The following TTLL2 variants were observed in gnomAD, a reference collection of about 807,000 sequenced individuals.
TTLL2 encodes probable tubulin polyglutamylase TTLL2.
A neutral mutation model predicts 7.5 loss-of-function variants in TTLL2; 10 were observed. The observed-to-expected ratio is 1.33, with a 90% CI of 0.82 to 2.25. TTLL2 has a LOEUF of 2.25. Ranked by LOEUF, TTLL2 falls within the 30% of genes most tolerant of loss-of-function variation. The pLI, the probability that TTLL2 is intolerant of heterozygous loss-of-function variation, is 0.00. For synonymous variants in TTLL2, 284 were observed against 280.3 expected, an observed-to-expected ratio of 1.01 and a Z score of -0.13; for missense variants, 733 against 735.7, an observed-to-expected ratio of 1.00 and a Z score of 0.04.
chr6:167,341,481 C>G lies in TTLL2; in HGVS notation c.1581C>G (p.Leu527=), dbSNP rs373917070. 64 of 1,614,020 alleles carry G rather than the reference C, an allele frequency of 4.0e-5. No homozygotes were observed. The highest frequency in any genetic ancestry group is 5.4e-5 in the Non-Finnish European group (64 of 1,180,040). Residue 527 remains leucine (L), a synonymous_variant, in exon 3 of 3, where the codon CTC becomes CTG. Coordinates refer to ENST00000239587, the MANE Select transcript of TTLL2 (RefSeq NM_031949.5). ...PHKTLMPYAS[L]FQSHSCKTKT... ...AGACACTCATGCCCTACGCGTCCCT[C>G]TTCCAGTCGCACTCCTGCAAGACCA...
Position 167,338,822 on chromosome 6 carries a change from T to C in TTLL2, c.204+19T>C, listed in dbSNP as rs1194509699. 1.9e-6 allele frequency: 3 copies of C among 1,573,484 alleles called. No individual in the cohort carries two copies. Among genetic ancestry groups the C allele is most frequent in the South Asian group, 1.1e-5 (1 of 87,512 alleles). ...GAAGAAGGTGGGTGGGCAAGCCAGGTAGTTCCTTCCTTCCTTCCTTCCTTC... is the reference window on the plus strand; with the variant it reads ...GAAGAAGGTGGGTGGGCAAGCCAGGCAGTTCCTTCCTTCCTTCCTTCCTTC... On this transcript the variant is annotated intron_variant, in intron 2 of 2. Coordinates refer to ENST00000239587, the MANE Select transcript of TTLL2 (RefSeq NM_031949.5).
rs567579193 is a variant in TTLL2, at chr6:167,331,187, T to C, written c.47+5967T>C. ...ACTAGTGAAGTTTTGTTATGTATAA[T>C]GTATAACGATCTGATCAGAGTAATT... is the stretch of plus-strand genomic sequence containing the variant. On this transcript the variant is annotated intron_variant, in intron 1 of 2. Coordinates refer to ENST00000239587, the MANE Select transcript of TTLL2 (RefSeq NM_031949.5). 1.6e-4 allele frequency among the ~76,000 whole-genome samples: 25 copies of C among 152,350 alleles called. 1 individual carries two copies. The South Asian group carries it at 5.0e-3, about 30-fold the overall frequency.
At chr6:167,327,465 A>G (rs1169875301) in intron 1 of TTLL2, among the ~76,000 whole-genome samples, 1 of 152,216 alleles carries the variant, frequency 6.6e-6, no homozygotes, top group Non-Finnish European at 1.5e-5. Flanking sequence ...TGCCTGATGC[A>G]GTTCCCAGCT....
chr6:167,338,771 C>T lies in TTLL2; in HGVS notation c.172C>T (p.Arg58Ter), dbSNP rs547856286. 60 of 1,613,210 alleles carry T rather than the reference C, an allele frequency of 3.7e-5. No homozygotes were observed. In the African/African-American group the frequency reaches 5.6e-4, roughly 15 times the overall value. Residue 58 changes from arginine to a stop codon, truncating the protein, a stop_gained, in exon 2 of 3, where the codon CGA (arginine) becomes TGA (stop). Coordinates refer to ENST00000239587, the MANE Select transcript of TTLL2 (RefSeq NM_031949.5). LOFTEE classifies it low-confidence loss of function (END_TRUNC). The part of the protein sequence containing the change: ...QEAGVSIPPR[R>*]GRPTPTLEKK... Reference sequence around the variant, plus strand: ...AGCAGGTGTTTCCATCCCTCCCAGGCGAGGCCGCCCAACACCAACACTGGA... The same window carrying T: ...AGCAGGTGTTTCCATCCCTCCCAGGTGAGGCCGCCCAACACCAACACTGGA...
rs145125170 is a variant in TTLL2, at chr6:167,328,286, G to A, written c.47+3066G>A. The A allele has an allele frequency of 1.7e-5, 6 of 349,160 alleles. No individual in the cohort carries two copies. The East Asian group carries it at 4.4e-4, about 26-fold the overall frequency. The allele number at this position is 349,160 out of a possible 1,614,324, so 21.6% of individuals were successfully genotyped here. Reference sequence around the variant, plus strand: ...CTCAGTCTTCTGGGCAAATCAGTGGGCCCTCATCTAGAGATCGGGATTCCC... The same window carrying A: ...CTCAGTCTTCTGGGCAAATCAGTGGACCCTCATCTAGAGATCGGGATTCCC... On this transcript the variant is annotated intron_variant, in intron 1 of 2. Coordinates refer to ENST00000239587, the MANE Select transcript of TTLL2 (RefSeq NM_031949.5).
Position 167,341,337 on chromosome 6 carries a change from TC to T in TTLL2, c.1439del (p.Pro480LeufsTer13). ...SVVEKAVSVR[P>X]EAAPASQLEG... ...TGGTGGAGAAAGCTGTGAGTGTGCGTCCTGAAGCTGCACCTGCCTCCCAGCT... is the reference window on the plus strand; with the variant it reads ...TGGTGGAGAAAGCTGTGAGTGTGCGTCTGAAGCTGCACCTGCCTCCCAGCT... On this transcript the variant is annotated frameshift_variant, in exon 3 of 3. Transcript: ENST00000239587. LOFTEE classifies it low-confidence loss of function (END_TRUNC). 6.2e-7 allele frequency: 1 copy of T among 1,613,734 alleles called. No homozygotes were observed. The highest frequency in any genetic ancestry group is 8.5e-7 in the Non-Finnish European group (1 of 1,179,974).
chr6:167,339,000 C>G (rs1779033754), intron 2 of TTLL2, among the ~76,000 whole-genome samples, 197 bp downstream of exon 2: 1 of 148,464 alleles, frequency 6.7e-6, no homozygotes, highest in African/African-American at 2.5e-5. Context: ...CCTTCCTGCC[C>G]TCCCTCCTTC....
chr6:167,337,033 C>T (rs555459195), intron 1 of TTLL2, among the ~76,000 whole-genome samples: 1 of 152,320 alleles, frequency 6.6e-6, no homozygotes, highest in Admixed American at 6.5e-5. Context: ...GGACAAAGTG[C>T]TGGCTCTCCC....
chr6:167,328,829 T>C (rs1192825005), intron 1 of TTLL2, among the ~76,000 whole-genome samples: 3 of 152,178 alleles, frequency 2.0e-5, no homozygotes, highest in Admixed American at 6.5e-5. Context: ...AGCTTGGTAC[T>C]GGGTGCTTCA....
At chr6:167,328,943 G>A (rs900919205) in intron 1 of TTLL2, among the ~76,000 whole-genome samples, 1 of 152,122 alleles carries the variant, frequency 6.6e-6, no homozygotes. Context: ...ACTGGTTGGG[G>A]GAATAGCTCA....
At chr6:167,325,355 C>G (rs1243128327) in intron 1 of TTLL2, 135 bp downstream of exon 1, 10 of 803,140 alleles carry the variant, frequency 1.2e-5, no homozygotes, top group Admixed American at 6.4e-5. Context: ...CCCCGAGGGG[C>G]AATTTGTAGT....
chr6:167,337,102 CCA>C (rs1296135188), intron 1 of TTLL2, among the ~76,000 whole-genome samples: 2 of 152,020 alleles, frequency 1.3e-5, no homozygotes, highest in Admixed American at 1.3e-4. Context: ...CACATGCTTT[CCA>C]CACACAATCA....
In TTLL2 at chr6:167,340,408, T is replaced by C. The variant is rs1412436665; in HGVS notation, c.508T>C (p.Tyr170His). 3.7e-6 allele frequency: 6 copies of C among 1,614,142 alleles called. No individual in the cohort carries two copies. The highest frequency in any genetic ancestry group is 5.1e-6 in the Non-Finnish European group (6 of 1,180,026). The change falls in exon 3 of 3, where the codon TAT (tyrosine) becomes CAT (histidine). Residue 170 changes from tyrosine (Y) to histidine (H), a missense_variant. Tyr to His is a moderately conservative substitution (Grantham distance 83). Transcript: ENST00000239587. ...AKHLKHMRRMYGTSLYQFIPL... is the reference protein window; with the variant it reads ...AKHLKHMRRMHGTSLYQFIPL... ...ACACCTGAAGCACATGAGGAGGATGTATGGCACTTCCCTGTACCAGTTCAT... is the reference window on the plus strand; with the variant it reads ...ACACCTGAAGCACATGAGGAGGATGCATGGCACTTCCCTGTACCAGTTCAT...
Position 167,341,867 on chromosome 6 carries a change from A to T in TTLL2, c.*188A>T, listed in dbSNP as rs1443135784. 1 of 615,236 alleles carries T rather than the reference A, an allele frequency of 1.6e-6. No homozygotes were observed. Among genetic ancestry groups the T allele is most frequent in the Non-Finnish European group, 2.7e-6 (1 of 366,014 alleles). The allele number at this position is 615,236 out of a possible 1,614,324, so 38.1% of individuals were successfully genotyped here. On this transcript the variant is annotated 3_prime_UTR_variant, in exon 3 of 3. Transcript: ENST00000239587. ...CAAAGCACAATATGTTCAAGTGGTGATTAAACTACATTACATCCCATGTTT... is the reference window on the plus strand; with the variant it reads ...CAAAGCACAATATGTTCAAGTGGTGTTTAAACTACATTACATCCCATGTTT...
chr6:167,334,196 A>T (rs1778957495), intron 1 of TTLL2, among the ~76,000 whole-genome samples: 1 of 145,930 alleles, frequency 6.9e-6, no homozygotes, highest in South Asian at 2.2e-4. Flanking sequence ...TCATTTCGTT[A>T]TGTACCCAGT....
In TTLL2 at chr6:167,340,393, C is replaced by T. The variant is rs972995325; in HGVS notation, c.493C>T (p.His165Tyr). The T allele has an allele frequency of 1.9e-6, 3 of 1,614,088 alleles. No homozygotes were observed. The highest frequency in any genetic ancestry group is 1.7e-6 in the Non-Finnish European group (2 of 1,180,048). Reference protein sequence around the residue: ...RKDCLAKHLKHMRRMYGTSLY... With the variant: ...RKDCLAKHLKYMRRMYGTSLY... ...AGACTGTTTGGCCAAACACCTGAAGCACATGAGGAGGATGTATGGCACTTC... is the reference window on the plus strand; with the variant it reads ...AGACTGTTTGGCCAAACACCTGAAGTACATGAGGAGGATGTATGGCACTTC... Residue 165 changes from histidine (H) to tyrosine (Y), a missense_variant, in exon 3 of 3, where the codon CAC becomes TAC. Coordinates refer to ENST00000239587, the MANE Select transcript of TTLL2 (RefSeq NM_031949.5).
intron 1 of TTLL2, among the ~76,000 whole-genome samples, chr6:167,326,076 T>G (rs2115205721): frequency 6.6e-6 from 1 of 152,076 alleles, no homozygotes; most frequent in South Asian, 2.1e-4. Context: ...CAAAGTCAGC[T>G]CTCCCAACTT....
At chr6:167,327,237 T>A (rs1778857622) in intron 1 of TTLL2, among the ~76,000 whole-genome samples, 1 of 152,190 alleles carries the variant, frequency 6.6e-6, no homozygotes, top group African/African-American at 2.4e-5. Flanking sequence ...CAGTTATGCA[T>A]TTGCCTCAGG....
At position 167,340,261 on chromosome 6, in the gene TTLL2, T is replaced by C; in HGVS notation, c.361T>C (p.Trp121Arg). The C allele has an allele frequency of 6.2e-7, 1 of 1,614,138 alleles. No homozygotes were observed. The highest frequency in any genetic ancestry group is 1.1e-5 in the South Asian group (1 of 91,080). ...FDKQEQNAED[W>R]NLYWRTSSFR... ...TAAGCAGGAGCAGAACGCGGAGGAC[T>C]GGAACCTGTACTGGAGGACATCCTC... The change falls in exon 3 of 3, where the codon TGG (tryptophan) becomes CGG (arginine). Residue 121 changes from tryptophan (W) to arginine (R), a missense_variant. Transcript: ENST00000239587.
Sources: gnomAD v4.1 joint callset for allele counts (sites outside exome capture counted in the v4.1 genomes callset) on GRCh38, gnomAD v4.1.1 for gene constraint, MANE v1.5 for transcripts, NCBI Gene and HGNC (gene_info 2026-07-23, HGNC 2026-07-21) for gene names.